CATSPERE: variants seen among roughly 807,000 people sequenced by gnomAD.
CATSPERE encodes catsper channel auxiliary subunit epsilon.
A neutral mutation model predicts 114.1 loss-of-function variants in CATSPERE; 93 were observed. That is an observed-to-expected ratio of 0.81 (90% CI 0.69 to 0.97). The LOEUF (loss-of-function observed/expected upper bound fraction) is 0.97, where lower values mean the gene tolerates loss of function less well. Ranked by LOEUF, CATSPERE falls within the 50% of genes least tolerant of loss-of-function variation. The pLI, the probability that CATSPERE is intolerant of heterozygous loss-of-function variation, is 0.00. For synonymous variants in CATSPERE, 341 were observed against 384.1 expected (o/e 0.89, Z 1.31); for missense variants, 1,058 against 1,131.6 (o/e 0.93, Z 0.93).
chr1:244,495,457 C>T (rs373878944), intron 6 of CATSPERE, among the ~76,000 whole-genome samples: 8 of 152,242 alleles, frequency 5.3e-5, no homozygotes, highest in Admixed American at 6.5e-5. Context: ...CGGTGGCTCA[C>T]GCCTGTACAA....
intron 5 of CATSPERE, 47 bp downstream of exon 5, chr1:244,479,831 T>G (rs1385260407): frequency 9.3e-7 from 1 of 1,073,800 alleles, no homozygotes; most frequent in East Asian, 2.7e-5. Context: ...TAAAGAGTAT[T>G]TAGCTTCAAC....
chr1:244,555,920 A>G (rs562120058), intron 9 of CATSPERE, among the ~76,000 whole-genome samples: 124 of 152,310 alleles, frequency 8.1e-4, no homozygotes, highest in African/African-American at 2.9e-3. Context: ...GGCTGAGTAG[A>G]ATAGTTCACA....
upstream of CATSPERE, chr1:244,452,072 G>A (rs1319018389): frequency 2.4e-5 from 8 of 335,764 alleles, no homozygotes; most frequent in South Asian, 4.2e-4. Context: ...CCCTGGTGGC[G>A]GCAACGGCCG....
In CATSPERE at chr1:244,621,235, T is replaced by C. The variant is rs1218258103; in HGVS notation, c.2648+3549T>C. On this transcript the variant is annotated intron_variant, in intron 20 of 21. Transcript: ENST00000366534. The stretch of plus-strand genomic sequence containing the variant: ...TATATATATATTTATATAAATATAT[T>C]TATATAGATATATTTATATAGATAT... 7.3e-3 allele frequency among the ~76,000 whole-genome samples: 431 copies of C among 58,778 alleles called. 30 individuals carry two copies. The highest frequency in any genetic ancestry group is 0.037 in the African/African-American group (397 of 10,786). 38.6% of individuals were successfully genotyped at this position (58,778 alleles called of 152,430 possible).
chr1:244,595,458 G>A (rs1416650463), intron 17 of CATSPERE, among the ~76,000 whole-genome samples: 2 of 152,196 alleles, frequency 1.3e-5, no homozygotes, highest in African/African-American at 4.8e-5. Context: ...ATTCTGCTGG[G>A]TAAGTCTTTC....
chr1:244,639,561 C>A (rs756246957), intron 21 of CATSPERE, among the ~76,000 whole-genome samples: 18 of 152,094 alleles, frequency 1.2e-4, no homozygotes, highest in Middle Eastern at 3.4e-3. Flanking sequence ...GTGGTGGTGC[C>A]CTCCTGTAAT....
At chr1:244,616,258 GA>G (rs1671385996) in intron 19 of CATSPERE, among the ~76,000 whole-genome samples, 1 of 152,190 alleles carries the variant, frequency 6.6e-6, no homozygotes, top group Admixed American at 6.6e-5. Context: ...ATCTAATCAT[GA>G]TAACATTTTT....
intron 9 of CATSPERE, among the ~76,000 whole-genome samples, chr1:244,560,439 T>C (rs7536729): frequency 0.19 from 28,421 of 149,322 alleles, 4,149 homozygotes; most frequent in East Asian, 0.41. Context: ...GGGTGAGGGA[T>C]AAAAGACTAT....
intron 6 of CATSPERE, among the ~76,000 whole-genome samples, chr1:244,498,570 G>A (rs970150193): frequency 6.6e-6 from 1 of 152,114 alleles, no homozygotes; most frequent in East Asian, 1.9e-4. Context: ...GTATGTGAGT[G>A]GGGGGGTGAG....
Position 244,572,319 on chromosome 1 carries a change from C to T in CATSPERE, c.1508-11C>T, listed in dbSNP as rs12385716. 0.012 allele frequency: 16,068 copies of T among 1,326,838 alleles called. 1,551 individuals are homozygous for T. In the African/African-American group the frequency reaches 0.21, roughly 17 times the overall value. 82.2% of individuals were successfully genotyped at this position (1,326,838 alleles called of 1,614,324 possible). A position where few individuals can be genotyped will look rare whatever the true frequency, so the allele number is the denominator to read the frequency against. On this transcript the variant is annotated splice_polypyrimidine_tract_variant and intron_variant, in intron 10 of 21. Transcript: ENST00000366534. ...TACTTAGACTAACACAAACTTTTCT[C>T]TTTTTTCCAGATTATTATGGAGATA... is the stretch of plus-strand genomic sequence containing the variant.
intron 9 of CATSPERE, among the ~76,000 whole-genome samples, chr1:244,553,816 A>T (rs1171051140): frequency 6.6e-6 from 1 of 151,102 alleles, no homozygotes; most frequent in Non-Finnish European, 1.5e-5. Context: ...CTCTCTTTAT[A>T]CTCCCTCCCA....
At position 244,461,405 on chromosome 1, in the gene CATSPERE, G is replaced by A; in HGVS notation, c.-25G>A. ...GGCCTGGACGGGAGTGGCCGAGGCGGTTGGGCGGAGGCGGAGCAGGCGCCA... is the reference window on the plus strand; with the variant it reads ...GGCCTGGACGGGAGTGGCCGAGGCGATTGGGCGGAGGCGGAGCAGGCGCCA... On this transcript the variant is annotated 5_prime_UTR_variant, in exon 1 of 22. Transcript: ENST00000366534. The A allele has an allele frequency of 7.4e-7, 1 of 1,354,682 alleles. No homozygotes were observed. The highest frequency in any genetic ancestry group is 9.6e-7 in the Non-Finnish European group (1 of 1,045,258). 83.9% of individuals were successfully genotyped at this position (1,354,682 alleles called of 1,614,324 possible).
At chr1:244,466,408 CAG>C (rs1216740040) in intron 2 of CATSPERE, among the ~76,000 whole-genome samples, 1 of 152,108 alleles carries the variant, frequency 6.6e-6, no homozygotes, top group Non-Finnish European at 1.5e-5. Flanking sequence ...TGACAATCCT[CAG>C]GGATTGTGTG....
At chr1:244,600,511 C>CGA (rs1669058079) in intron 17 of CATSPERE, among the ~76,000 whole-genome samples, 2 of 152,156 alleles carry the variant, frequency 1.3e-5, no homozygotes, top group African/African-American at 4.8e-5. Context: ...CTCAGGCCTC[C>CGA]TATGGATCTG....
At position 244,498,580 on chromosome 1, in the gene CATSPERE, G is replaced by A. The variant is rs115755086; in HGVS notation, c.352-422G>A. Among the ~76,000 whole-genome samples the A allele has an allele frequency of 5.3e-3, 811 of 152,278 alleles. 7 individuals are homozygous for A. Among genetic ancestry groups the A allele is most frequent in the African/African-American group, 0.018 (728 of 41,566 alleles). The stretch of plus-strand genomic sequence containing the variant: ...AAAAAGTATGTGAGTGGGGGGGTGA[G>A]GTTGTCATGTCTATTTATGGCTATA... On this transcript the variant is annotated intron_variant, in intron 6 of 21. Transcript: ENST00000366534.
chr1:244,617,789 A>G, intron 20 of CATSPERE, 103 bp downstream of exon 20: 1 of 1,023,484 alleles, frequency 9.8e-7, no homozygotes, highest in South Asian at 2.0e-5. Context: ...TATTCTTGTT[A>G]TTTACATATT....
At chr1:244,519,806 T>C (rs1419708469) in intron 8 of CATSPERE, among the ~76,000 whole-genome samples, 1 of 150,706 alleles carries the variant, frequency 6.6e-6, no homozygotes, top group African/African-American at 2.5e-5. Flanking sequence ...GACATGACAA[T>C]AAACAATGCT....
intron 8 of CATSPERE, among the ~76,000 whole-genome samples, chr1:244,534,979 A>G (rs1048994574): frequency 2.0e-5 from 3 of 151,428 alleles, no homozygotes; most frequent in Non-Finnish European, 2.9e-5. Context: ...CTGCAGCCAT[A>G]TCTGCATTAG....
chr1:244,579,696 A>T (rs190083380), intron 11 of CATSPERE, among the ~76,000 whole-genome samples: 3 of 152,258 alleles, frequency 2.0e-5, no homozygotes, highest in Non-Finnish European at 4.4e-5. Flanking sequence ...GCAATGAAAC[A>T]TTGCATTTTG....
Sources: allele counts gnomAD v4.1 joint callset (sites outside exome capture counted in the v4.1 genomes callset), GRCh38; gene constraint gnomAD v4.1.1; transcripts MANE v1.5; gene names NCBI Gene and HGNC (gene_info 2026-07-23, HGNC 2026-07-21).